The following UTP20 variants were observed in gnomAD, a reference collection of about 807,000 sequenced individuals.
UTP20 encodes the protein small subunit processome component 20 homolog.
A neutral mutation model predicts 329.5 loss-of-function variants in UTP20; 164 were observed. The observed-to-expected ratio is 0.50, with a 90% confidence interval of 0.44 to 0.57. The LOEUF (loss-of-function observed/expected upper bound fraction) is 0.57, where lower values mean the gene tolerates loss of function less well. Ranked by LOEUF, UTP20 falls within the 20% of genes least tolerant of loss-of-function variation. UTP20 has a pLI of 0.00. For missense variants in UTP20, 3,055 were observed against 3,284.2 expected, an observed-to-expected ratio of 0.93 and a Z score of 1.71; for synonymous variants, 1,151 against 1,159.3, an observed-to-expected ratio of 0.99 and a Z score of 0.14.
intron 2 of UTP20, among the ~76,000 whole-genome samples, chr12:101,282,742 T>G (rs528523773): frequency 6.6e-6 from 1 of 152,372 alleles, no homozygotes; most frequent in African/African-American, 2.4e-5. Context: ...TTTAAGGTCC[T>G]GTGTAACATG....
intron 1 of UTP20, 131 bp downstream of exon 1, chr12:101,280,458 AGAGGGAGACACTG>A: frequency 2.7e-6 from 3 of 1,114,102 alleles, no homozygotes; most frequent in Non-Finnish European, 3.9e-6. Flanking sequence ...CTCCGGCGAA[AGAGGGAGACACTG>A]GATGTAGTAA....
rs1034990688 is a variant in UTP20 at position 101,365,604 on chromosome 12, C to T, written c.6104C>T (p.Pro2035Leu). Residue 2035 changes from proline (P) to leucine (L), a missense_variant, in exon 46 of 62, where the codon CCC (proline) becomes CTC (leucine). Coordinates refer to ENST00000261637, the MANE Select transcript of UTP20 (RefSeq NM_014503.3). The stretch of plus-strand genomic sequence containing the variant: ...TATGGTTTGATCAGTGAAAATCTTC[C>T]CCTGTTAACAGAGAAAGAAAAGTAA... ...LSYGLISENL[P>L]LLTEKEKNPV... 5.7e-6 allele frequency: 9 copies of T among 1,569,074 alleles called. No individual in the cohort carries two copies. Among genetic ancestry groups the T allele is most frequent in the Non-Finnish European group, 7.7e-6 (9 of 1,164,252 alleles).
chr12:101,381,530 C>T (rs937893742), intron 58 of UTP20, among the ~76,000 whole-genome samples: 3 of 151,676 alleles, frequency 2.0e-5, no homozygotes, highest in African/African-American at 4.8e-5. Flanking sequence ...AGCGAGACTC[C>T]GTCTCAGAAA....
intron 25 of UTP20, among the ~76,000 whole-genome samples, chr12:101,324,510 T>TC (rs916698823): frequency 6.6e-6 from 1 of 152,052 alleles, no homozygotes; most frequent in Admixed American, 6.6e-5. Context: ...GCTCAGGCTG[T>TC]CCCCCCACCT....
chr12:101,285,105 A>C (rs1161080789), intron 2 of UTP20, among the ~76,000 whole-genome samples: 3 of 152,286 alleles, frequency 2.0e-5, no homozygotes, highest in African/African-American at 7.2e-5. Context: ...AAGCTGAATA[A>C]ACATCTTTTA....
chr12:101,320,622 T>C (rs568826194), intron 23 of UTP20, among the ~76,000 whole-genome samples: 1 of 152,270 alleles, frequency 6.6e-6, no homozygotes, highest in East Asian at 1.9e-4. Flanking sequence ...AGGGTATGAC[T>C]GTGGGATGCA....
rs150556992 is a variant in UTP20, at chr12:101,383,295, G to A, written c.7911G>A (p.Ser2637=). 12 of 1,613,770 alleles carry A rather than the reference G, an allele frequency of 7.4e-6. No homozygotes were observed. The highest frequency in any genetic ancestry group is 1.7e-5 in the Admixed American group (1 of 59,952). The change falls in exon 59 of 62, where the codon TCG becomes TCA. Residue 2637 remains serine, a synonymous_variant. Coordinates refer to ENST00000261637, the MANE Select transcript of UTP20 (RefSeq NM_014503.3). The stretch of plus-strand genomic sequence containing the variant: ...TTGCAAAACTGGAAGCTGCTTATTC[G>A]CCGAGAAACCCCTTAAAGGTGCGAT... ...SRIAKLEAAY[S]PRNPLKRTCI... is the part of the protein sequence containing the mutation.
At chr12:101,377,689 G>A (rs1451789792) in intron 56 of UTP20, among the ~76,000 whole-genome samples, 1 of 152,114 alleles carries the variant, frequency 6.6e-6, no homozygotes, top group East Asian at 1.9e-4. Flanking sequence ...CAGGGAAGGG[G>A]AAGTTTGGGT....
chr12:101,297,765 C>G (rs1872405037), intron 12 of UTP20, among the ~76,000 whole-genome samples: 1 of 152,162 alleles, frequency 6.6e-6, no homozygotes, highest in South Asian at 2.1e-4. Flanking sequence ...AGTGAAGCTG[C>G]TTTGTTGTTT....
At chr12:101,328,519 C>A (rs1392445360) in intron 26 of UTP20, among the ~76,000 whole-genome samples, 2 of 145,960 alleles carry the variant, frequency 1.4e-5, no homozygotes, top group African/African-American at 4.9e-5. Flanking sequence ...TCTAGTAAAA[C>A]TGCCAAACTC....
chr12:101,285,535 G>T, intron 2 of UTP20, 35 bp from the exon 3 acceptor site: 1 of 1,599,648 alleles, frequency 6.3e-7, no homozygotes, highest in South Asian at 1.1e-5. Context: ...CTTTCTTAGA[G>T]TTATTTGATT....
Position 101,290,865 on chromosome 12 carries a change from G to C in UTP20, c.868G>C (p.Gly290Arg). Residue 290 changes from glycine to arginine, a missense_variant, in exon 8 of 62, where the codon GGT (glycine) becomes CGT (arginine). Gly to Arg is a moderately radical substitution (Grantham distance 125). Coordinates refer to ENST00000261637, the MANE Select transcript of UTP20 (RefSeq NM_014503.3). Reference protein sequence around the residue: ...TVSYISKEHFGTFFECLQESL... With the variant: ...TVSYISKEHFRTFFECLQESL... ...ATCCTACATCTCCAAGGAACATTTT[G>C]GTACATTTTTTGAATGTTTGCAAGT... is the stretch of plus-strand genomic sequence containing the variant. 1 of 1,611,960 alleles carries C rather than the reference G, an allele frequency of 6.2e-7. No individual in the cohort carries two copies. The highest frequency in any genetic ancestry group is 1.3e-5 in the African/African-American group (1 of 74,938).
At position 101,379,371 on chromosome 12, in the gene UTP20, G is replaced by A. The variant is rs898458244; in HGVS notation, c.7397G>A (p.Ser2466Asn). ...KPAETLSKIW[S>N]HVHSHLRHPH... ...CACAAATGCTTTTTGGTTCCCTTAG[G>A]TCATGTGCATTCTCACCTGAGACAT... Residue 2466 changes from serine (S) to asparagine (N), a missense_variant and splice_region_variant, in exon 57 of 62, where the codon AGT becomes AAT. Ser to Asn is a conservative substitution (Grantham distance 46). Transcript: ENST00000261637. 1 of 1,602,488 alleles carries A rather than the reference G, an allele frequency of 6.2e-7. No homozygotes were observed. Among genetic ancestry groups the A allele is most frequent in the Middle Eastern group, 1.7e-4 (1 of 6,016 alleles).
At chr12:101,385,436 A>T in intron 60 of UTP20, 147 bp from the exon 61 acceptor site, 1 of 876,604 alleles carries the variant, frequency 1.1e-6, no homozygotes. Flanking sequence ...ATAATGCTGC[A>T]AGAGTTGAAA....
Position 101,343,008 on chromosome 12 carries a change from C to A in UTP20, c.4364C>A (p.Thr1455Asn). The A allele has an allele frequency of 1.2e-6, 2 of 1,613,742 alleles. No homozygotes were observed. The highest frequency in any genetic ancestry group is 1.7e-6 in the Non-Finnish European group (2 of 1,179,750). The stretch of plus-strand genomic sequence containing the variant: ...GACGTTCGCTTTGAGACTTTCCAGA[C>A]CATCACCTCTTACATTAAAGAAATG... The part of the protein sequence containing the change: ...NFDVRFETFQ[T>N]ITSYIKEMQI... The change falls in exon 35 of 62, where the codon ACC becomes AAC. Residue 1455 changes from threonine to asparagine, a missense_variant. Around this residue, in one of 3 missense-constraint regions of UTP20, gnomAD observed 2,445 missense variants for 2,575.5 expected, o/e 0.95. Coordinates refer to ENST00000261637, the MANE Select transcript of UTP20 (RefSeq NM_014503.3).
intron 16 of UTP20, 152 bp from the exon 17 acceptor site, chr12:101,306,547 A>G (rs941224812): frequency 5.1e-6 from 3 of 589,924 alleles, no homozygotes; most frequent in Non-Finnish European, 8.4e-6. Context: ...TTGGTGTTGA[A>G]TATGAAATAA....
rs1208587297 is a variant in UTP20 at position 101,312,229 on chromosome 12, A to T, written c.2505A>T (p.Val835=). 6.2e-7 allele frequency: 1 copy of T among 1,614,138 alleles called. No individual in the cohort carries two copies. Residue 835 remains valine, a synonymous_variant, in exon 21 of 62, where the codon GTA becomes GTT. Transcript: ENST00000261637. ...CTCTGACCAAATTCCCAGAAAGAGT[A>T]GAGCCACGGTCCAGGGAGCTTTCCC... ...WRALTKFPER[V]EPRSRELSPL... is the part of the protein sequence containing the mutation.
chr12:101,359,925 C>G (rs1869857971), intron 43 of UTP20, among the ~76,000 whole-genome samples: 2 of 152,118 alleles, frequency 1.3e-5, no homozygotes, highest in South Asian at 2.1e-4. Flanking sequence ...CCTGCCCTTC[C>G]CCGTTTCAAG....
chr12:101,307,777 AT>A (rs1346131893), intron 17 of UTP20, among the ~76,000 whole-genome samples: 1 of 152,120 alleles, frequency 6.6e-6, no homozygotes, highest in African/African-American at 2.4e-5. Flanking sequence ...TAGGTTTTGC[AT>A]TTTTTTAGGA....
Sources: gnomAD v4.1 joint callset for allele counts (sites outside exome capture counted in the v4.1 genomes callset) on GRCh38, gnomAD v4.1.1 for gene constraint, gnomAD v4.1.1 regional missense constraint, MANE v1.5 for transcripts, NCBI Gene and HGNC (gene_info 2026-07-23, HGNC 2026-07-21) for gene names.